Variants in ITGA9 observed in about 807,000 individuals in gnomAD.
The protein encoded by ITGA9 is integrin subunit alpha 9.
A neutral mutation model predicts 127.8 loss-of-function variants in ITGA9; 56 were observed. That is an observed-to-expected ratio of 0.44 (90% CI 0.35 to 0.55). The LOEUF is 0.55. Among genes scored for constraint, ITGA9 ranks in the 20% least tolerant of loss-of-function variants. ITGA9 has a pLI of 0.00. For synonymous variants in ITGA9, 508 were observed against 514.5 expected (o/e 0.99, Z 0.17); for missense variants, 1,196 against 1,347.1 (o/e 0.89, Z 1.76).
chr3:37,724,926 G>A (rs1187496531), intron 18 of ITGA9, among the ~76,000 whole-genome samples: 1 of 152,080 alleles, frequency 6.6e-6, no homozygotes, highest in Non-Finnish European at 1.5e-5. Flanking sequence ...CTTTCAGAGG[G>A]AAACTTTGAG....
Position 37,786,837 on chromosome 3 carries a change from G to C in ITGA9, c.2889+1759G>C, listed in dbSNP as rs531098867. Among the ~76,000 whole-genome samples the C allele has an allele frequency of 2.6e-5, 4 of 152,222 alleles. No homozygotes were observed. The South Asian group carries it at 8.3e-4, about 32-fold the overall frequency. ...GATAAGTTGTCCAAGCACTATTTTT[G>C]TTTGTTTGTTTGTTTCTTTGTTTGT... is the stretch of plus-strand genomic sequence containing the variant. On this transcript the variant is annotated intron_variant, in intron 26 of 27. Coordinates refer to ENST00000264741, the MANE Select transcript of ITGA9 (RefSeq NM_002207.3).
chr3:37,662,163 C>T (rs556388499), intron 17 of ITGA9, among the ~76,000 whole-genome samples: 7 of 152,096 alleles, frequency 4.6e-5, no homozygotes, highest in South Asian at 4.2e-4. Context: ...GCACTTTGGG[C>T]GGCTGAGGCA....
chr3:37,597,886 C>T lies in ITGA9; in HGVS notation c.1690-31301C>T, dbSNP rs951721306. ...GGCTGGGGTGACTGGGGCAACTCAG[C>T]ACCGCTCCATGCATATCTCACTGTC... On this transcript the variant is annotated intron_variant, in intron 15 of 27. Transcript: ENST00000264741. The surrounding 1 kb of genome is among the most constrained non-coding windows in gnomAD (Gnocchi z 4.6). Among the ~76,000 whole-genome samples, 8 of 152,182 alleles carry T rather than the reference C, an allele frequency of 5.3e-5. No individual in the cohort carries two copies. Among genetic ancestry groups the T allele is most frequent in the Non-Finnish European group, 1.2e-4 (8 of 68,036 alleles).
At position 37,476,230 on chromosome 3, in the gene ITGA9, G is replaced by A. The variant is rs375898774; in HGVS notation, c.420+2770G>A. On this transcript the variant is annotated intron_variant, in intron 3 of 27. Coordinates refer to ENST00000264741, the MANE Select transcript of ITGA9 (RefSeq NM_002207.3). ...GGAAGTGGGATTACTGGATCAAATGGTACTTCTATTTTTAATTTTTAAGAA... is the reference window on the plus strand; with the variant it reads ...GGAAGTGGGATTACTGGATCAAATGATACTTCTATTTTTAATTTTTAAGAA... Among the ~76,000 whole-genome samples the A allele has an allele frequency of 2.6e-5, 4 of 152,140 alleles. No homozygotes were observed. The East Asian group carries it at 7.7e-4, about 29-fold the overall frequency.
chr3:37,631,535 A>G (rs1700229966), intron 16 of ITGA9, among the ~76,000 whole-genome samples: 1 of 152,206 alleles, frequency 6.6e-6, no homozygotes, highest in Admixed American at 6.5e-5. Context: ...AGTAGATCGG[A>G]ACAGGGAGGA....
chr3:37,525,571 G>T (rs1037461243), intron 12 of ITGA9, among the ~76,000 whole-genome samples: 1 of 152,138 alleles, frequency 6.6e-6, no homozygotes, highest in African/African-American at 2.4e-5. Flanking sequence ...CTAATTCACT[G>T]ATGTGAAAAG....
rs1023187958 is a variant in ITGA9 at position 37,823,075 on chromosome 3, G to A, written c.*4086G>A. 1 of 152,174 alleles carries A rather than the reference G, an allele frequency of 6.6e-6. No individual in the cohort carries two copies. Among genetic ancestry groups the A allele is most frequent in the Non-Finnish European group, 1.5e-5 (1 of 68,030 alleles). 9.4% of individuals were successfully genotyped at this position (152,174 alleles called of 1,614,324 possible). ...CTGAAGGGAGAATACAGAGCCAGTA[G>A]GGCCAAAATGAAACTTCTAGGATGT... On this transcript the variant is annotated 3_prime_UTR_variant, in exon 28 of 28. Transcript: ENST00000264741.
At position 37,806,828 on chromosome 3, in the gene ITGA9, A is replaced by G. The variant is rs927969791; in HGVS notation, c.3009+2886A>G. ...CCACCTGGGTCACAACAGCTTTGCTAGTCAACCCAGAGCAGTATCTCATTT... is the reference window on the plus strand; with the variant it reads ...CCACCTGGGTCACAACAGCTTTGCTGGTCAACCCAGAGCAGTATCTCATTT... On this transcript the variant is annotated intron_variant, in intron 27 of 27. Coordinates refer to ENST00000264741, the MANE Select transcript of ITGA9 (RefSeq NM_002207.3). This position sits in a 1 kb window ranked among gnomAD's most constrained non-coding sequence, Gnocchi z 4.3. 6.6e-6 allele frequency: 1 copy of G among 152,378 alleles called. No homozygotes were observed. The highest frequency in any genetic ancestry group is 1.9e-4 in the East Asian group (1 of 5,172). 9.4% of individuals were successfully genotyped at this position (152,378 alleles called of 1,614,324 possible). A position where few individuals can be genotyped will look rare whatever the true frequency, so the allele number is the denominator to read the frequency against.
At position 37,470,859 on chromosome 3, in the gene ITGA9, T is replaced by C; in HGVS notation, c.186-148T>C. On this transcript the variant is annotated intron_variant, in intron 1 of 27. Coordinates refer to ENST00000264741, the MANE Select transcript of ITGA9 (RefSeq NM_002207.3). ...CTAACAGGTTTCACTTTAGGACCTC[T>C]CCCCCAAGCCCACACAGAAAAGTAT... 11 of 784,996 alleles carry C rather than the reference T, an allele frequency of 1.4e-5. No individual in the cohort carries two copies. The South Asian group carries it at 1.6e-4, about 12-fold the overall frequency. The allele number at this position is 784,996 out of a possible 1,614,324, so 48.6% of individuals were successfully genotyped here. A position where few individuals can be genotyped will look rare whatever the true frequency, so the allele number is the denominator to read the frequency against.
In ITGA9 at chr3:37,653,821, C is replaced by T. The variant is rs1314177911; in HGVS notation, c.1916+31C>T. The T allele has an allele frequency of 2.6e-6, 4 of 1,545,002 alleles. No individual in the cohort carries two copies. The Admixed American group carries it at 5.0e-5, about 19-fold the overall frequency. On this transcript the variant is annotated intron_variant, in intron 17 of 27. Coordinates refer to ENST00000264741, the MANE Select transcript of ITGA9 (RefSeq NM_002207.3). ...TCGGTGTTTCCTTCAGAGCATTGTT[C>T]TCAGGCTCCTTTTTCTTGACCCCAG...
intron 16 of ITGA9, among the ~76,000 whole-genome samples, chr3:37,639,773 A>C (rs1575176921): frequency 1.3e-5 from 2 of 152,244 alleles, no homozygotes; most frequent in African/African-American, 4.8e-5. Flanking sequence ...GATACCCCCC[A>C]GAGAGTTGAC....
chr3:37,744,014 C>G lies in ITGA9; in HGVS notation c.2413C>G (p.Pro805Ala), dbSNP rs746906413. 1 of 1,613,118 alleles carries G rather than the reference C, an allele frequency of 6.2e-7. No individual in the cohort carries two copies. Among genetic ancestry groups the G allele is most frequent in the African/African-American group, 1.3e-5 (1 of 74,902 alleles). Residue 805 changes from proline (P) to alanine (A), a missense_variant, in exon 22 of 28, where the codon CCC becomes GCC. Physicochemically the swap from Pro to Ala is conservative, Grantham distance 27. Coordinates refer to ENST00000264741, the MANE Select transcript of ITGA9 (RefSeq NM_002207.3). ...GGATGACCTGGAGTGTCACTTTCAG[C>G]CCATCAATATCACCCTTCAGGTACC... ...QLDDLECHFQ[P>A]INITLQVYNT...
At chr3:37,723,557 T>G (rs1406874610) in intron 18 of ITGA9, among the ~76,000 whole-genome samples, 1 of 152,192 alleles carries the variant, frequency 6.6e-6, no homozygotes, top group Non-Finnish European at 1.5e-5. Flanking sequence ...AGACAGGGTT[T>G]TGTTATGTTG....
At chr3:37,769,338 CAAAAAA>C (rs35133772) in intron 23 of ITGA9, among the ~76,000 whole-genome samples, 2 of 114,354 alleles carry the variant, frequency 1.7e-5, no homozygotes, top group Admixed American at 8.6e-5. Flanking sequence ...AACTCTGTCT[CAAAAAA>C]AAAAAAAAAA....
chr3:37,662,840 A>G (rs1196562559), intron 17 of ITGA9, among the ~76,000 whole-genome samples: 1 of 152,190 alleles, frequency 6.6e-6, no homozygotes, highest in Non-Finnish European at 1.5e-5. Context: ...CAGTTGGTCC[A>G]TGGTGTTGTG....
intron 15 of ITGA9, among the ~76,000 whole-genome samples, chr3:37,567,884 A>G (rs1456994896): frequency 6.6e-6 from 1 of 152,074 alleles, no homozygotes; most frequent in Non-Finnish European, 1.5e-5. Flanking sequence ...GGCATTGAGT[A>G]TCTGTGGCTT....
chr3:37,804,017 A>G (rs1426822466), intron 27 of ITGA9, 75 bp downstream of exon 27: 1 of 1,605,746 alleles, frequency 6.2e-7, no homozygotes, highest in East Asian at 2.2e-5. Context: ...TCCAGGGAAG[A>G]AGGAGTATCC....
intron 25 of ITGA9, among the ~76,000 whole-genome samples, chr3:37,783,635 C>T (rs1697004762): frequency 6.6e-6 from 1 of 152,096 alleles, no homozygotes; most frequent in Non-Finnish European, 1.5e-5. Context: ...TCGTGCCTGG[C>T]CCAAGATTAT....
chr3:37,528,009 A>G (rs781549915), intron 13 of ITGA9, among the ~76,000 whole-genome samples: 2 of 151,814 alleles, frequency 1.3e-5, no homozygotes, highest in Non-Finnish European at 2.9e-5. Flanking sequence ...CTGGTCTCGA[A>G]CTCCTGACCT....
Sources: gnomAD v4.1 joint callset for allele counts (sites outside exome capture counted in the v4.1 genomes callset) on GRCh38, gnomAD v4.1.1 for gene constraint, Gnocchi (gnomAD v3.1) non-coding constraint, MANE v1.5 for transcripts, NCBI Gene and HGNC (gene_info 2026-07-23, HGNC 2026-07-21) for gene names.